The following KIRREL3 variants were observed in gnomAD, a reference collection of about 807,000 sequenced individuals.
KIRREL3 encodes the protein kirre like nephrin family adhesion molecule 3.
In KIRREL3, 36 loss-of-function variants were observed where a neutral mutation model predicts 89.7. That is an observed-to-expected ratio of 0.40 (90% CI 0.31 to 0.53). The LOEUF is 0.53. Among genes scored for constraint, KIRREL3 ranks in the 20% least tolerant of loss-of-function variants. The pLI is 0.49. For missense variants in KIRREL3, 864 were observed against 1,056.6 expected, an observed-to-expected ratio of 0.82 and a Z score of 2.53; for synonymous variants, 445 against 441.4, an observed-to-expected ratio of 1.01 and a Z score of -0.10.
chr11:126,568,738 A>G lies in KIRREL3; in HGVS notation c.56-5826T>C, dbSNP rs1323353874. ...CCTCACATGATTCATATGAAAAGCA[A>G]ATGAGCCAACACATGGGCAAAAGTG... On this transcript the variant is annotated intron_variant, in intron 1 of 16. Coordinates refer to ENST00000525144, the MANE Select transcript of KIRREL3 (RefSeq NM_032531.4). The surrounding 1 kb of genome is among the most constrained non-coding windows in gnomAD (Gnocchi z 4.6). 6.6e-6 allele frequency among the ~76,000 whole-genome samples: 1 copy of G among 152,212 alleles called. No individual in the cohort carries two copies. The highest frequency in any genetic ancestry group is 2.4e-5 in the African/African-American group (1 of 41,452).
At chr11:126,945,492 A>C (rs549836883) in intron 1 of KIRREL3, among the ~76,000 whole-genome samples, 1 of 152,270 alleles carries the variant, frequency 6.6e-6, no homozygotes, top group South Asian at 2.1e-4. Context: ...CTTCAGTACC[A>C]TTTAAATCTA....
At chr11:126,958,529 T>C (rs1468430902) in intron 1 of KIRREL3, among the ~76,000 whole-genome samples, 1 of 152,210 alleles carries the variant, frequency 6.6e-6, no homozygotes, top group Non-Finnish European at 1.5e-5. Context: ...TACCTGGGTG[T>C]GTTCACTCAC....
intron 1 of KIRREL3, among the ~76,000 whole-genome samples, chr11:126,930,194 T>C (rs552377950): frequency 1.3e-5 from 2 of 152,316 alleles, no homozygotes; most frequent in Admixed American, 6.5e-5. Flanking sequence ...TTGCTTTGAG[T>C]ACTGTAACTC....
At position 126,611,592 on chromosome 11, in the gene KIRREL3, C is replaced by T. The variant is rs567539724; in HGVS notation, c.56-48680G>A. The stretch of plus-strand genomic sequence containing the variant: ...TCCTGAGGTGTCGTGAGGGCAATGG[C>T]CTGCAGAGTCCAAAGGTGGCTGTCA... On this transcript the variant is annotated intron_variant, in intron 1 of 16. Coordinates refer to ENST00000525144, the MANE Select transcript of KIRREL3 (RefSeq NM_032531.4). This position sits in a 1 kb window ranked among gnomAD's most constrained non-coding sequence, Gnocchi z 4.7. Among the ~76,000 whole-genome samples, 3 of 152,286 alleles carry T rather than the reference C, an allele frequency of 2.0e-5. No individual in the cohort carries two copies. The highest frequency in any genetic ancestry group is 4.8e-5 in the African/African-American group (2 of 41,570).
rs1955092738 is a variant in KIRREL3 at position 126,430,531 on chromosome 11, G to T, written c.1696+888C>A. Among the ~76,000 whole-genome samples the T allele has an allele frequency of 6.6e-6, 1 of 152,174 alleles. No individual in the cohort carries two copies. Among genetic ancestry groups the T allele is most frequent in the Non-Finnish European group, 1.5e-5 (1 of 68,032 alleles). ...TAATTTCCACTGAGACGGTGGTGAT[G>T]GAGGTCCTGAGACCACATCATTGCT... On this transcript the variant is annotated intron_variant, in intron 14 of 16. Coordinates refer to ENST00000525144, the MANE Select transcript of KIRREL3 (RefSeq NM_032531.4). The surrounding 1 kb of genome is among the most constrained non-coding windows in gnomAD (Gnocchi z 6.6).
chr11:126,871,028 G>A (rs1945090523), intron 1 of KIRREL3, among the ~76,000 whole-genome samples: 2 of 152,168 alleles, frequency 1.3e-5, no homozygotes, highest in African/African-American at 4.8e-5. Context: ...CTGGAGCCAG[G>A]AGCAGACATC....
At position 126,551,986 on chromosome 11, in the gene KIRREL3, A is replaced by G. The variant is rs1591722866; in HGVS notation, c.133+10849T>C. Among the ~76,000 whole-genome samples, 1 of 152,336 alleles carries G rather than the reference A, an allele frequency of 6.6e-6. No individual in the cohort carries two copies. The highest frequency in any genetic ancestry group is 1.5e-5 in the Non-Finnish European group (1 of 68,028). ...GATTTGAAGAAAAGATTCCAAAACC[A>G]GGAGTGGTCCCAGCAAACACAGCTT... On this transcript the variant is annotated intron_variant, in intron 2 of 16. Transcript: ENST00000525144. This position sits in a 1 kb window ranked among gnomAD's most constrained non-coding sequence, Gnocchi z 4.9.
In KIRREL3 at chr11:126,683,573, G is replaced by A. The variant is rs902525964; in HGVS notation, c.56-120661C>T. ...ACCCATCTTGGAGGAGATTTGGCAC[G>A]TGATGCTCAGCACATTGCCTGACAA... On this transcript the variant is annotated intron_variant, in intron 1 of 16. Coordinates refer to ENST00000525144, the MANE Select transcript of KIRREL3 (RefSeq NM_032531.4). The surrounding 1 kb of genome is among the most constrained non-coding windows in gnomAD (Gnocchi z 5.2). 2.6e-5 allele frequency among the ~76,000 whole-genome samples: 4 copies of A among 152,214 alleles called. No homozygotes were observed. Among genetic ancestry groups the A allele is most frequent in the Admixed American group, 1.3e-4 (2 of 15,282 alleles).
chr11:126,956,426 CAT>C (rs1338828991), intron 1 of KIRREL3, among the ~76,000 whole-genome samples: 3 of 152,204 alleles, frequency 2.0e-5, no homozygotes, highest in African/African-American at 7.2e-5. Flanking sequence ...TCCATTTCCA[CAT>C]GTCTAGTCAT....
intron 11 of KIRREL3, among the ~76,000 whole-genome samples, chr11:126,439,807 G>A (rs570971433): frequency 4.6e-5 from 7 of 151,772 alleles, no homozygotes; most frequent in Admixed American, 2.6e-4. Flanking sequence ...GATAGAGCGA[G>A]ACTCCATCTC....
At chr11:126,966,129 C>A (rs1449891816) in intron 1 of KIRREL3, among the ~76,000 whole-genome samples, 1 of 152,092 alleles carries the variant, frequency 6.6e-6, no homozygotes, top group African/African-American at 2.4e-5. Context: ...ATTATTTTAT[C>A]CTGCAATAGG....
At chr11:126,510,576 T>G (rs1022570045) in intron 4 of KIRREL3, among the ~76,000 whole-genome samples, 1 of 151,946 alleles carries the variant, frequency 6.6e-6, no homozygotes, top group Non-Finnish European at 1.5e-5. Context: ...GGATTACAGG[T>G]GTGAGCCACT....
At chr11:126,881,509 G>A (rs1945494232) in intron 1 of KIRREL3, among the ~76,000 whole-genome samples, 1 of 152,154 alleles carries the variant, frequency 6.6e-6, no homozygotes, top group Non-Finnish European at 1.5e-5. Context: ...GCCACTGGCT[G>A]AGCTAGTTTT....
At position 126,568,548 on chromosome 11, in the gene KIRREL3, T is replaced by C. The variant is rs1025949311; in HGVS notation, c.56-5636A>G. ...GAGATCATCTGGAGGAGACACCAGC[T>C]GGGTTTGGTTGGACTCACAGGGAGG... On this transcript the variant is annotated intron_variant, in intron 1 of 16. Transcript: ENST00000525144. The surrounding 1 kb of genome is among the most constrained non-coding windows in gnomAD (Gnocchi z 4.6). Among the ~76,000 whole-genome samples, 1 of 152,154 alleles carries C rather than the reference T, an allele frequency of 6.6e-6. No individual in the cohort carries two copies. Among genetic ancestry groups the C allele is most frequent in the African/African-American group, 2.4e-5 (1 of 41,426 alleles).
intron 1 of KIRREL3, among the ~76,000 whole-genome samples, chr11:126,786,480 G>A (rs1251645963): frequency 2.6e-5 from 4 of 151,922 alleles, no homozygotes; most frequent in Non-Finnish European, 4.4e-5. Context: ...CATTTTATTT[G>A]TAGAAACACA....
Position 126,897,488 on chromosome 11 carries a change from C to A in KIRREL3, c.55+102967G>T, listed in dbSNP as rs1261839981. 1.3e-5 allele frequency among the ~76,000 whole-genome samples: 2 copies of A among 152,196 alleles called. No homozygotes were observed. Among genetic ancestry groups the A allele is most frequent in the African/African-American group, 4.8e-5 (2 of 41,446 alleles). Reference sequence around the variant, plus strand: ...ACTTGGACCTTTGTCACTCACCTGTCAACCCCATCTAACACCACCCCCAAA... The same window carrying A: ...ACTTGGACCTTTGTCACTCACCTGTAAACCCCATCTAACACCACCCCCAAA... On this transcript the variant is annotated intron_variant, in intron 1 of 16. Transcript: ENST00000525144. This position sits in a 1 kb window ranked among gnomAD's most constrained non-coding sequence, Gnocchi z 4.2.
At chr11:126,721,874 G>C (rs1489882341) in intron 1 of KIRREL3, among the ~76,000 whole-genome samples, 3 of 152,204 alleles carry the variant, frequency 2.0e-5, no homozygotes, top group African/African-American at 7.2e-5. Context: ...AGCTCCATGT[G>C]GCTGATACTG....
chr11:126,502,866 T>C (rs1157076730), intron 4 of KIRREL3, among the ~76,000 whole-genome samples: 1 of 152,224 alleles, frequency 6.6e-6, no homozygotes, highest in Admixed American at 6.5e-5. Context: ...TGCCTTCGCC[T>C]TAATTATTTT....
At chr11:126,447,955 C>A (rs534486401) in intron 8 of KIRREL3, among the ~76,000 whole-genome samples, 1 of 152,278 alleles carries the variant, frequency 6.6e-6, no homozygotes, top group African/African-American at 2.4e-5. Flanking sequence ...CATGGCAGTG[C>A]GCTGCCTTGC....
Sources: allele counts gnomAD v4.1 joint callset (sites outside exome capture counted in the v4.1 genomes callset), GRCh38; gene constraint gnomAD v4.1.1; non-coding constraint Gnocchi (gnomAD v3.1); transcripts MANE v1.5; gene names NCBI Gene and HGNC (gene_info 2026-07-23, HGNC 2026-07-21).